ARHGAP15: variants seen among roughly 807,000 people sequenced by gnomAD.
ARHGAP15 encodes Rho GTPase activating protein 15.
In ARHGAP15, 51 loss-of-function variants were observed where a neutral mutation model predicts 63.7. The ratio of observed to expected loss-of-function variants is 0.80; its 90% CI spans 0.64 to 1.01. The LOEUF (loss-of-function observed/expected upper bound fraction) is 1.01, where lower values mean the gene tolerates loss of function less well. Among genes scored for constraint, ARHGAP15 ranks in the 50% least tolerant of loss-of-function variants. The probability of loss-of-function intolerance (pLI) is 0.00; values close to 1 mark genes in which losing one functional copy is unlikely to be tolerated. For missense variants in ARHGAP15, 560 were observed against 564.6 expected (o/e 0.99, Z 0.08); for synonymous variants, 191 against 193.8 (o/e 0.99, Z 0.12).
chr2:143,212,731 T>C (rs751803945), intron 3 of ARHGAP15, among the ~76,000 whole-genome samples: 2 of 152,150 alleles, frequency 1.3e-5, no homozygotes, highest in African/African-American at 2.4e-5. Context: ...TAAGGTACCA[T>C]ATATAAACCC....
intron 8 of ARHGAP15, among the ~76,000 whole-genome samples, chr2:143,445,399 G>A (rs959683266): frequency 3.3e-5 from 5 of 151,948 alleles, no homozygotes; most frequent in African/African-American, 9.7e-5. Context: ...CTGACCTCAC[G>A]ATCTGCCCAC....
chr2:143,692,204 G>A (rs1683635865), intron 12 of ARHGAP15, among the ~76,000 whole-genome samples: 1 of 152,130 alleles, frequency 6.6e-6, no homozygotes, highest in South Asian at 2.1e-4. Flanking sequence ...CTAAATTGGG[G>A]CAGGGGGGCA....
At chr2:143,437,079 T>A (rs745726037) in intron 8 of ARHGAP15, 37 bp downstream of exon 8, 65 of 1,576,844 alleles carry the variant, frequency 4.1e-5, no homozygotes, top group Non-Finnish European at 5.5e-5. Flanking sequence ...TTTAAGTTTG[T>A]CTAAATGCAG....
intron 6 of ARHGAP15, among the ~76,000 whole-genome samples, chr2:143,371,782 G>A (rs753680359): frequency 2.0e-5 from 3 of 152,074 alleles, no homozygotes; most frequent in Non-Finnish European, 2.9e-5. Context: ...TCATTTATAT[G>A]TGTACTTCTA....
chr2:143,750,695 C>T lies in ARHGAP15; in HGVS notation c.1245-17294C>T, dbSNP rs192522415. On this transcript the variant is annotated intron_variant, in intron 13 of 13. Transcript: ENST00000295095. ...AGTTAGAAGAGAATCACATGCAGAG[C>T]GTTTAAAATGTACCCAGGCCTAACT... 1.4e-4 allele frequency among the ~76,000 whole-genome samples: 21 copies of T among 152,204 alleles called. No individual in the cohort carries two copies. The East Asian group carries it at 2.3e-3, about 17-fold the overall frequency.
At chr2:143,508,225 C>CAG (rs761098604) in intron 9 of ARHGAP15, among the ~76,000 whole-genome samples, 12 of 152,288 alleles carry the variant, frequency 7.9e-5, no homozygotes, top group Admixed American at 2.6e-4. Context: ...CTCTAAGGAA[C>CAG]CTGGCTTACA....
At chr2:143,301,778 C>T (rs562329821) in intron 6 of ARHGAP15, among the ~76,000 whole-genome samples, 2 of 150,990 alleles carry the variant, frequency 1.3e-5, no homozygotes, top group Admixed American at 1.3e-4. Context: ...CATACATGGA[C>T]GGATGTATCT....
At chr2:143,659,610 A>G (rs1189465694) in intron 12 of ARHGAP15, among the ~76,000 whole-genome samples, 4 of 152,148 alleles carry the variant, frequency 2.6e-5, no homozygotes, top group Non-Finnish European at 5.9e-5. Flanking sequence ...AAAGGAGGAC[A>G]TTCTCTAGCA....
At chr2:143,340,086 G>A (rs1461088391) in intron 6 of ARHGAP15, among the ~76,000 whole-genome samples, 2 of 152,022 alleles carry the variant, frequency 1.3e-5, no homozygotes, top group Admixed American at 1.3e-4. Context: ...ATATACAGAA[G>A]CAATACGTAT....
At chr2:143,684,512 T>TG (rs5834963) in intron 12 of ARHGAP15, among the ~76,000 whole-genome samples, 11,783 of 152,056 alleles carry the variant, frequency 0.077, 614 homozygotes, top group South Asian at 0.17. Flanking sequence ...ATATCCTTAT[T>TG]GGGGGGTCCC....
intron 6 of ARHGAP15, among the ~76,000 whole-genome samples, chr2:143,416,271 G>A (rs537989198): frequency 1.6e-4 from 24 of 151,782 alleles, no homozygotes; most frequent in African/African-American, 5.3e-4. Context: ...CAAAAACAAA[G>A]GGTGAAGTTA....
At chr2:143,765,954 G>T (rs1686933490) in intron 13 of ARHGAP15, among the ~76,000 whole-genome samples, 1 of 152,144 alleles carries the variant, frequency 6.6e-6, no homozygotes, top group Non-Finnish European at 1.5e-5. Flanking sequence ...AACAGTAGTT[G>T]ATTATTATTA....
At chr2:143,546,455 TAAAA>T (rs1055158452) in intron 10 of ARHGAP15, among the ~76,000 whole-genome samples, 2 of 148,366 alleles carry the variant, frequency 1.3e-5, no homozygotes, top group Non-Finnish European at 3.0e-5. Flanking sequence ...TTGCTAAAAT[TAAAA>T]AAAAAAGTGT....
At chr2:143,295,609 G>A (rs1682599571) in intron 6 of ARHGAP15, 1 of 151,994 alleles carries the variant, frequency 6.6e-6, no homozygotes, top group Admixed American at 6.6e-5. Flanking sequence ...GAATAGAGAG[G>A]TACTGAGAAT....
At chr2:143,269,657 ACTTC>A (rs773043417) in intron 6 of ARHGAP15, among the ~76,000 whole-genome samples, 9 of 151,778 alleles carry the variant, frequency 5.9e-5, no homozygotes, top group East Asian at 5.8e-4. Flanking sequence ...GTTTCAAATC[ACTTC>A]CTATAAGTTA....
At chr2:143,693,585 G>A (rs886295074) in intron 12 of ARHGAP15, among the ~76,000 whole-genome samples, 3 of 152,026 alleles carry the variant, frequency 2.0e-5, no homozygotes, top group Admixed American at 6.5e-5. Flanking sequence ...AAACAACTTG[G>A]GCTTTGCACT....
At chr2:143,583,707 A>G (rs1429034347) in intron 11 of ARHGAP15, among the ~76,000 whole-genome samples, 1 of 152,240 alleles carries the variant, frequency 6.6e-6, no homozygotes, top group African/African-American at 2.4e-5. Context: ...AGTTAAACTC[A>G]GTCTGGAAGA....
rs544806603 is a variant in ARHGAP15 at position 143,271,283 on chromosome 2, A to G, written c.474+20683A>G. Among the ~76,000 whole-genome samples, 6 of 152,352 alleles carry G rather than the reference A, an allele frequency of 3.9e-5. No individual in the cohort carries two copies. In the East Asian group the frequency reaches 7.7e-4, roughly 20 times the overall value. ...GCAAATCTTCCATTTCTGGCAGTAT[A>G]AATTACAAGTTTTCTGTTACTGAGA... On this transcript the variant is annotated intron_variant, in intron 6 of 13. Transcript: ENST00000295095.
intron 11 of ARHGAP15, among the ~76,000 whole-genome samples, chr2:143,590,822 A>G (rs1299031691): frequency 6.6e-6 from 1 of 152,074 alleles, no homozygotes; most frequent in Non-Finnish European, 1.5e-5. Context: ...AATGTTTTTT[A>G]TTAATTGGCA....
Sources: gnomAD v4.1 joint callset for allele counts (sites outside exome capture counted in the v4.1 genomes callset) on GRCh38, gnomAD v4.1.1 for gene constraint, MANE v1.5 for transcripts, NCBI Gene and HGNC (gene_info 2026-07-23, HGNC 2026-07-21) for gene names.